Variants in PDE1C observed in about 807,000 individuals in gnomAD.
PDE1C encodes phosphodiesterase 1C.
In PDE1C, 62 loss-of-function variants were observed where a neutral mutation model predicts 93.1. The ratio of observed to expected loss-of-function variants is 0.67; its 90% CI spans 0.54 to 0.82. The LOEUF is 0.82. PDE1C is among the 40% of genes least tolerant of loss of function. PDE1C has a pLI of 0.00. For synonymous variants in PDE1C, 325 were observed against 310.1 expected, an observed-to-expected ratio of 1.05 and a Z score of -0.50; for missense variants, 742 against 884.6, an observed-to-expected ratio of 0.84 and a Z score of 2.04.
intron 1 of PDE1C, among the ~76,000 whole-genome samples, chr7:32,347,863 A>G (rs1409639815): frequency 6.6e-6 from 1 of 152,210 alleles, no homozygotes; most frequent in Non-Finnish European, 1.5e-5. Context: ...GTTTCATGAG[A>G]CCCTCAGCAG....
chr7:32,330,173 A>G (rs1003432703), intron 1 of PDE1C, among the ~76,000 whole-genome samples: 2 of 152,226 alleles, frequency 1.3e-5, no homozygotes, highest in Non-Finnish European at 2.9e-5. Context: ...CACTTCATAT[A>G]TCTTTAATCC....
At chr7:32,304,076 T>C (rs1812940407), upstream of PDE1C, among the ~76,000 whole-genome samples, 1 of 152,148 alleles carries the variant, frequency 6.6e-6, no homozygotes, top group Non-Finnish European at 1.5e-5. Flanking sequence ...GAATTGTCTT[T>C]CCCCTCAGCC....
At chr7:31,652,359 G>A in the PDE1C span, among the ~76,000 whole-genome samples, 1 of 152,086 alleles carries the variant, frequency 6.6e-6, no homozygotes, top group Admixed American at 6.6e-5. Flanking sequence ...CATCTTTGTA[G>A]CCAATATAAG....
At chr7:31,655,893 G>C in the PDE1C span, 1 of 985,380 alleles carries the variant, frequency 1.0e-6, no homozygotes, top group African/African-American at 1.7e-5. Flanking sequence ...CTGGCTCTAG[G>C]ATGTCCCTCA....
intron 2 of PDE1C, among the ~76,000 whole-genome samples, chr7:31,917,639 G>A (rs10215894): frequency 0.099 from 15,027 of 151,842 alleles, 957 homozygotes; most frequent in Admixed American, 0.21. Context: ...AGAGAAACAC[G>A]AAAAACCACA....
intron 1 of PDE1C, among the ~76,000 whole-genome samples, chr7:32,278,346 A>G (rs1477593392): frequency 6.6e-6 from 1 of 152,222 alleles, no homozygotes; most frequent in Non-Finnish European, 1.5e-5. Context: ...CTGGAAAGTC[A>G]ATATGAGAAA....
chr7:31,979,325 C>T (rs1206391159), intron 2 of PDE1C, among the ~76,000 whole-genome samples: 1 of 152,128 alleles, frequency 6.6e-6, no homozygotes, highest in Non-Finnish European at 1.5e-5. Context: ...GCCATGGTTT[C>T]TATCTCTAAA....
At chr7:32,107,745 C>A (rs556079442) in intron 3 of PDE1C, among the ~76,000 whole-genome samples, 3 of 151,834 alleles carry the variant, frequency 2.0e-5, no homozygotes, top group Admixed American at 2.0e-4. Context: ...TAAATGAAGA[C>A]GAGATAAAAT....
intron 2 of PDE1C, among the ~76,000 whole-genome samples, chr7:31,943,953 AT>A (rs1806208732): frequency 1.3e-5 from 2 of 152,290 alleles, no homozygotes; most frequent in East Asian, 3.9e-4. Context: ...CAAAATTCAT[AT>A]TTGTTGACGC....
At position 31,812,074 on chromosome 7, in the gene PDE1C, C is replaced by T. The variant is rs75179349; in HGVS notation, c.1814-2966G>A. ...AATAAACAAGGGGAAGTGAAAGAGA[C>T]TTTCTGTGCAGTTATAAATCATTTT... On this transcript the variant is annotated intron_variant, in intron 15 of 17. Transcript: ENST00000396191. Among the ~76,000 whole-genome samples, 1,367 of 152,240 alleles carry T rather than the reference C, an allele frequency of 9.0e-3. 6 individuals are homozygous for T. Among genetic ancestry groups the T allele is most frequent in the Non-Finnish European group, 0.014 (941 of 68,006 alleles).
At position 31,899,539 on chromosome 7, in the gene PDE1C, G is replaced by A. The variant is rs762777977; in HGVS notation, c.129-18679C>T. On this transcript the variant is annotated intron_variant, in intron 2 of 17. Transcript: ENST00000396191. ...AAGCCCCGGGAGATCCCAAATGCCC[G>A]GTTATTAACAAGTGTTATATATTTT... is the stretch of plus-strand genomic sequence containing the variant. Among the ~76,000 whole-genome samples the A allele has an allele frequency of 3.9e-5, 6 of 152,028 alleles. No homozygotes were observed. In the South Asian group the frequency reaches 6.2e-4, roughly 16 times the overall value.
intron 16 of PDE1C, among the ~76,000 whole-genome samples, chr7:31,798,696 C>T (rs1205296064): frequency 6.6e-6 from 1 of 151,640 alleles, no homozygotes; most frequent in East Asian, 1.9e-4. Context: ...CAAAATTCTC[C>T]ATAACATCTT....
intron 1 of PDE1C, among the ~76,000 whole-genome samples, chr7:32,375,348 G>A (rs2128088781): frequency 6.6e-6 from 1 of 152,268 alleles, no homozygotes; most frequent in South Asian, 2.1e-4. Flanking sequence ...ACAGGGAGAA[G>A]GGATTAACGC....
chr7:31,632,757 G>C, the PDE1C span, among the ~76,000 whole-genome samples: 5 of 152,142 alleles, frequency 3.3e-5, no homozygotes, highest in Non-Finnish European at 7.3e-5. Context: ...CTGGGTGACA[G>C]GTTTTACAGC....
intron 2 of PDE1C, among the ~76,000 whole-genome samples, chr7:31,955,275 C>T (rs776812742): frequency 6.6e-6 from 1 of 152,178 alleles, no homozygotes; most frequent in Non-Finnish European, 1.5e-5. Flanking sequence ...TATGATTAAT[C>T]ACACTGATAT....
At chr7:32,057,236 A>G (rs868164118) in intron 1 of PDE1C, among the ~76,000 whole-genome samples, 30 of 152,334 alleles carry the variant, frequency 2.0e-4, no homozygotes, top group Middle Eastern at 3.4e-3. Context: ...TTGTAACTCA[A>G]TGCGGAGATC....
intron 2 of PDE1C, among the ~76,000 whole-genome samples, chr7:31,925,456 G>T (rs1803251628): frequency 9.1e-6 from 1 of 109,600 alleles, no homozygotes; most frequent in Non-Finnish European, 1.8e-5. Flanking sequence ...ATTGATACAG[G>T]ATGCTTAGGA....
At chr7:32,003,377 A>G (rs984550612) in intron 2 of PDE1C, among the ~76,000 whole-genome samples, 1 of 152,240 alleles carries the variant, frequency 6.6e-6, no homozygotes, top group Admixed American at 6.5e-5. Flanking sequence ...GTGAGCTCCA[A>G]GAGTGCATTA....
chr7:32,415,601 T>C (rs1785258741), intron 1 of PDE1C, among the ~76,000 whole-genome samples: 1 of 152,136 alleles, frequency 6.6e-6, no homozygotes, highest in Admixed American at 6.6e-5. Flanking sequence ...GGCAAGAGTC[T>C]GGGGCCCCTC....
Sources: allele counts gnomAD v4.1 joint callset (sites outside exome capture counted in the v4.1 genomes callset), GRCh38; gene constraint gnomAD v4.1.1; transcripts MANE v1.5; gene names NCBI Gene and HGNC (gene_info 2026-07-23, HGNC 2026-07-21).